DNAJC10: variants seen among roughly 807,000 people sequenced by gnomAD.
DNAJC10 encodes endoplasmic reticulum disulfide reductase DNAJC10.
DNAJC10 carries 101 observed loss-of-function variants against 115.0 expected under a neutral mutation model. The observed-to-expected ratio is 0.88, with a 90% CI of 0.75 to 1.04. DNAJC10 has a LOEUF of 1.04. Among genes scored for constraint, DNAJC10 ranks in the 50% least tolerant of loss-of-function variants. DNAJC10 has a pLI of 0.00. For synonymous variants in DNAJC10, 307 were observed against 301.5 expected, an observed-to-expected ratio of 1.02 and a Z score of -0.19; for missense variants, 981 against 928.8, an observed-to-expected ratio of 1.06 and a Z score of -0.73.
chr2:182,750,178 A>G (rs991045763), intron 14 of DNAJC10, among the ~76,000 whole-genome samples: 1 of 152,162 alleles, frequency 6.6e-6, no homozygotes, highest in African/African-American at 2.4e-5. Flanking sequence ...AATAATACCT[A>G]TGTTTCTGAC....
chr2:182,717,882 AATTGTGCTATT>A, intron 2 of DNAJC10, 48 bp from the exon 3 acceptor site: 1 of 410,926 alleles, frequency 2.4e-6, no homozygotes, highest in Non-Finnish European at 4.3e-6. Flanking sequence ...GTGATAAATA[AATTGTGCTATT>A]ATTGTTTAGT....
Position 182,756,893 on chromosome 2 carries a change from C to A in DNAJC10, c.1809+424C>A, listed in dbSNP as rs79220261. Among the ~76,000 whole-genome samples the A allele has an allele frequency of 9.8e-4, 149 of 152,274 alleles. 1 individual carries two copies. The highest frequency in any genetic ancestry group is 3.4e-3 in the African/African-American group (141 of 41,560). ...GCCTCAAGTAATCTGCCCACTTCTG[C>A]CTTTCAAAGTGCTGGGATTACAAAC... On this transcript the variant is annotated intron_variant, in intron 18 of 23. Transcript: ENST00000264065.
chr2:182,743,888 T>C (rs2105651358), intron 14 of DNAJC10, among the ~76,000 whole-genome samples, 176 bp downstream of exon 14: 1 of 152,328 alleles, frequency 6.6e-6, no homozygotes, highest in Non-Finnish European at 1.5e-5. Context: ...TCTTTACCCT[T>C]CTTTTTAACA....
chr2:182,726,585 T>C (rs540658373), intron 5 of DNAJC10, among the ~76,000 whole-genome samples: 4 of 152,276 alleles, frequency 2.6e-5, no homozygotes, highest in African/African-American at 9.6e-5. Context: ...CATCAATCAG[T>C]GTGGCAAACT....
At chr2:182,728,795 G>T in intron 6 of DNAJC10, 68 bp from the exon 7 acceptor site, 1 of 1,565,004 alleles carries the variant, frequency 6.4e-7, no homozygotes, top group Non-Finnish European at 8.8e-7. Context: ...AAAATATATA[G>T]CTTGGAGTGT....
At chr2:182,726,627 A>C (rs1322557713) in intron 5 of DNAJC10, among the ~76,000 whole-genome samples, 2 of 152,232 alleles carry the variant, frequency 1.3e-5, no homozygotes, top group East Asian at 1.9e-4. Context: ...AAATTGCCAC[A>C]GCCACCCCAA....
chr2:182,730,526 T>A (rs1171892007), intron 8 of DNAJC10: 1 of 451,544 alleles, frequency 2.2e-6, no homozygotes, highest in East Asian at 7.0e-5. Context: ...TAGGTACTAT[T>A]ATTATAGAGC....
chr2:182,763,054 CAAAA>C lies in DNAJC10; in HGVS notation c.2265+257_2265+260del, dbSNP rs918453291. ...GAATAGGAAAACTACTAGAAAGAGA[CAAAA>C]AAAGTATTATTCGTGATAATCTTTG... is the stretch of plus-strand genomic sequence containing the variant. On this transcript the variant is annotated intron_variant, in intron 22 of 23. Transcript: ENST00000264065. Among the ~76,000 whole-genome samples the C allele has an allele frequency of 2.6e-5, 4 of 151,752 alleles. No individual in the cohort carries two copies. The South Asian group carries it at 8.3e-4, about 32-fold the overall frequency.
At chr2:182,720,644 A>T (rs1048423442) in intron 4 of DNAJC10, among the ~76,000 whole-genome samples, 1 of 152,054 alleles carries the variant, frequency 6.6e-6, no homozygotes, top group African/African-American at 2.4e-5. Flanking sequence ...GTGTAAGTAC[A>T]CTCTGTGATG....
rs1553488431 is a variant in DNAJC10, at chr2:182,733,825, A to ATAGG, written c.849+1286_849+1287insGTAG. Among the ~76,000 whole-genome samples, 115 of 150,254 alleles carry ATAGG rather than the reference A, an allele frequency of 7.7e-4. 1 individual carries two copies. Among genetic ancestry groups the ATAGG allele is most frequent in the African/African-American group, 2.6e-3 (107 of 40,976 alleles). ...GATAGATAGATAGATAGATAGATAGATAGATTTTCTACTTCCTCTATTTGG... is the reference window on the plus strand; with the variant it reads ...GATAGATAGATAGATAGATAGATAGATAGGTAGATTTTCTACTTCCTCTATTTGG... On this transcript the variant is annotated intron_variant, in intron 10 of 23. Coordinates refer to ENST00000264065, the MANE Select transcript of DNAJC10 (RefSeq NM_018981.4).
intron 5 of DNAJC10, among the ~76,000 whole-genome samples, chr2:182,728,040 A>G (rs1474991582): frequency 2.0e-5 from 3 of 152,200 alleles, no homozygotes; most frequent in Non-Finnish European, 4.4e-5. Context: ...TAGGGCTTAG[A>G]TTAAATTTAA....
intron 16 of DNAJC10, chr2:182,752,468 A>G (rs944721556): frequency 3.1e-5 from 13 of 426,110 alleles, no homozygotes; most frequent in Non-Finnish European, 4.2e-5. Context: ...ATGATTTTCC[A>G]ATTATTGAAG....
intron 23 of DNAJC10, 108 bp downstream of exon 23, chr2:182,775,528 A>T: frequency 6.6e-6 from 4 of 605,978 alleles, no homozygotes. Flanking sequence ...GAGGCATCAA[A>T]AAATAGTAAG....
In DNAJC10 at chr2:182,756,395, T is replaced by G; in HGVS notation, c.1735T>G (p.Trp579Gly). ...LVTQRKHNEV[W>G]MVDFYSPWCH... ...TACACAAAGAAAACACAACGAAGTC[T>G]GGATGGTTGATTTCTATTCTCCGTG... The change falls in exon 18 of 24, where the codon TGG becomes GGG. Residue 579 changes from tryptophan to glycine, a missense_variant. Coordinates refer to ENST00000264065, the MANE Select transcript of DNAJC10 (RefSeq NM_018981.4). The G allele has an allele frequency of 6.2e-7, 1 of 1,614,080 alleles. No homozygotes were observed. Among genetic ancestry groups the G allele is most frequent in the Non-Finnish European group, 8.5e-7 (1 of 1,179,940 alleles).
intron 5 of DNAJC10, among the ~76,000 whole-genome samples, chr2:182,725,498 T>G (rs1693260218): frequency 6.6e-6 from 1 of 152,192 alleles, no homozygotes. Context: ...AACACACTAA[T>G]GATAACACAA....
intron 22 of DNAJC10, among the ~76,000 whole-genome samples, chr2:182,766,904 GGTT>G (rs1327105597): frequency 6.6e-6 from 1 of 152,096 alleles, no homozygotes; most frequent in African/African-American, 2.4e-5. Context: ...GTCCCTTTAA[GGTT>G]GGAGGAAAGA....
intron 8 of DNAJC10, chr2:182,730,624 CTG>C: frequency 2.3e-6 from 1 of 435,074 alleles, no homozygotes; most frequent in Non-Finnish European, 4.5e-6. Flanking sequence ...CATATCCAAT[CTG>C]TCATGAAAAT....
chr2:182,776,970 G>T, intron 23 of DNAJC10, 151 bp from the exon 24 acceptor site: 1 of 442,248 alleles, frequency 2.3e-6, no homozygotes, highest in Non-Finnish European at 4.0e-6. Context: ...GTTATATTTT[G>T]GCAAAGTATA....
At chr2:182,733,655 A>G (rs1342679016) in intron 10 of DNAJC10, among the ~76,000 whole-genome samples, 1 of 147,454 alleles carries the variant, frequency 6.8e-6, no homozygotes, top group African/African-American at 2.5e-5. Flanking sequence ...CTTTGGAAAC[A>G]GTTTCTGTAC....
Sources: gnomAD v4.1 joint callset for allele counts (sites outside exome capture counted in the v4.1 genomes callset) on GRCh38, gnomAD v4.1.1 for gene constraint, MANE v1.5 for transcripts, NCBI Gene and HGNC (gene_info 2026-07-23, HGNC 2026-07-21) for gene names.